The following ULK4 variants were observed in gnomAD, a reference collection of about 807,000 sequenced individuals.
The protein encoded by ULK4 is unc-51 like kinase 4.
ULK4 carries 133 observed loss-of-function variants against 160.6 expected under a neutral mutation model. That is an observed-to-expected ratio of 0.83 (90% CI 0.72 to 0.96). The LOEUF (loss-of-function observed/expected upper bound fraction) is 0.96, where lower values mean the gene tolerates loss of function less well. Among genes scored for constraint, ULK4 ranks in the 40% least tolerant of loss-of-function variants. ULK4 has a pLI of 0.00. For missense variants in ULK4, 1,580 were observed against 1,499.5 expected (o/e 1.05, Z -0.89); for synonymous variants, 534 against 539.8 (o/e 0.99, Z 0.15).
At chr3:41,896,231 G>A (rs1442108114) in intron 15 of ULK4, among the ~76,000 whole-genome samples, 2 of 152,054 alleles carry the variant, frequency 1.3e-5, no homozygotes, top group African/African-American at 4.8e-5. Context: ...AAGGTAAAAG[G>A]TCTGTCTTAT....
At chr3:41,354,202 T>C (rs895373399) in intron 35 of ULK4, among the ~76,000 whole-genome samples, 22 of 152,180 alleles carry the variant, frequency 1.4e-4, no homozygotes, top group Admixed American at 1.3e-3. Flanking sequence ...AGGGTGACTA[T>C]CCTTGGTTCA....
At chr3:41,859,559 T>C in intron 17 of ULK4, 1 of 539,600 alleles carries the variant, frequency 1.9e-6, no homozygotes, top group South Asian at 1.4e-5. Flanking sequence ...AACATGCTCA[T>C]CACAGCGAAA....
At chr3:41,786,043 T>C (rs887049050) in intron 21 of ULK4, among the ~76,000 whole-genome samples, 10 of 152,148 alleles carry the variant, frequency 6.6e-5, no homozygotes, top group Non-Finnish European at 1.3e-4. Flanking sequence ...TCCCTGACTG[T>C]TCTCCAACCT....
intron 35 of ULK4, among the ~76,000 whole-genome samples, chr3:41,287,333 A>G (rs1020589243): frequency 7.9e-5 from 12 of 152,206 alleles, no homozygotes; most frequent in African/African-American, 2.9e-4. Context: ...AAGGAAGGAA[A>G]ATAGGGCTGA....
intron 27 of ULK4, among the ~76,000 whole-genome samples, chr3:41,696,095 C>G (rs1025753960): frequency 1.3e-5 from 2 of 152,140 alleles, no homozygotes; most frequent in African/African-American, 4.8e-5. Flanking sequence ...CTTAGCGGAA[C>G]GGGAAAGGCA....
chr3:41,530,748 G>T (rs1163661927), intron 32 of ULK4, among the ~76,000 whole-genome samples: 1 of 152,116 alleles, frequency 6.6e-6, no homozygotes, highest in Non-Finnish European at 1.5e-5. Flanking sequence ...CCTCAATAAT[G>T]AAGTAAAATG....
intron 29 of ULK4, among the ~76,000 whole-genome samples, chr3:41,677,332 ATT>A (rs199498760): frequency 2.6e-4 from 34 of 128,446 alleles, no homozygotes; most frequent in East Asian, 9.2e-4. Context: ...AAGTTCATTC[ATT>A]TTTTTTTTTT....
At chr3:41,572,414 G>C (rs1264876661) in intron 31 of ULK4, among the ~76,000 whole-genome samples, 1 of 152,026 alleles carries the variant, frequency 6.6e-6, no homozygotes, top group Non-Finnish European at 1.5e-5. Flanking sequence ...AATGTTCCCT[G>C]TCCCCTCCCC....
intron 2 of ULK4, among the ~76,000 whole-genome samples, chr3:41,945,868 T>C (rs80180864): frequency 0.011 from 1,700 of 152,276 alleles, 32 homozygotes; most frequent in African/African-American, 0.039. Context: ...AGGATAATCA[T>C]TGACTTCTCT....
At chr3:41,359,710 G>A (rs560281147) in intron 35 of ULK4, among the ~76,000 whole-genome samples, 120 of 152,344 alleles carry the variant, frequency 7.9e-4, no homozygotes, top group Admixed American at 1.4e-3. Context: ...AGACAGGAAT[G>A]TGGATCTGGA....
chr3:41,932,110 C>G lies in ULK4; in HGVS notation c.379-104G>C, dbSNP rs538944200. 2.5e-5 allele frequency: 24 copies of G among 972,350 alleles called. No individual in the cohort carries two copies. In the African/African-American group the frequency reaches 4.0e-4, roughly 16 times the overall value. 60.2% of individuals were successfully genotyped at this position (972,350 alleles called of 1,614,324 possible). Reference sequence around the variant, plus strand: ...TAAAGAACTTTTCAGCATTGCTATTCTTTATCAGAACTCAGAAAAATAAAT... The same window carrying G: ...TAAAGAACTTTTCAGCATTGCTATTGTTTATCAGAACTCAGAAAAATAAAT... On this transcript the variant is annotated intron_variant, in intron 4 of 36. Coordinates refer to ENST00000301831, the MANE Select transcript of ULK4 (RefSeq NM_017886.4).
At chr3:41,696,236 G>A (rs2036495830) in intron 27 of ULK4, among the ~76,000 whole-genome samples, 1 of 152,206 alleles carries the variant, frequency 6.6e-6, no homozygotes, top group Non-Finnish European at 1.5e-5. Context: ...ATGCTTCAGT[G>A]GTCACGCTCC....
intron 35 of ULK4, among the ~76,000 whole-genome samples, chr3:41,284,070 A>G (rs2079414845): frequency 6.6e-6 from 1 of 152,190 alleles, no homozygotes; most frequent in Non-Finnish European, 1.5e-5. Context: ...GAAAGCAATC[A>G]TAGATGACAC....
intron 34 of ULK4, among the ~76,000 whole-genome samples, chr3:41,402,781 AAG>A (rs1217104629): frequency 2.0e-5 from 3 of 152,188 alleles, no homozygotes; most frequent in Non-Finnish European, 4.4e-5. Context: ...TTGTGTTTAC[AAG>A]AGATACTGAT....
rs1553639846 is a variant in ULK4, at chr3:41,721,279, T to TTTTGG, written c.2322-3419_2322-3418insCCAAA. 2.1e-3 allele frequency among the ~76,000 whole-genome samples: 207 copies of TTTTGG among 98,896 alleles called. 13 individuals are homozygous for TTTTGG. The highest frequency in any genetic ancestry group is 5.8e-3 in the East Asian group (21 of 3,630). 64.9% of individuals were successfully genotyped at this position (98,896 alleles called of 152,430 possible). A position where few individuals can be genotyped will look rare whatever the true frequency, so the allele number is the denominator to read the frequency against. ...AATTTTTTTTTTTTTTTTTTTTTTTTTTTTTGGGTTTTGAACCATGAGTAT... is the reference window on the plus strand; with the variant it reads ...AATTTTTTTTTTTTTTTTTTTTTTTTTTTGGTTTTTGGGTTTTGAACCATGAGTAT... On this transcript the variant is annotated intron_variant, in intron 22 of 36. Transcript: ENST00000301831.
In ULK4 at chr3:41,771,085, C is replaced by T. The variant is rs191719910; in HGVS notation, c.2194-16597G>A. 3.8e-3 allele frequency among the ~76,000 whole-genome samples: 576 copies of T among 152,282 alleles called. 3 individuals are homozygous for T. The highest frequency in any genetic ancestry group is 0.027 in the Middle Eastern group (8 of 294). ...ATATTTGAAACACTGAATACTCCAG[C>T]TAATAATACGGCTTACCATAAGAAT... On this transcript the variant is annotated intron_variant, in intron 21 of 36. Transcript: ENST00000301831.
chr3:41,694,464 A>C (rs188743459), intron 27 of ULK4, among the ~76,000 whole-genome samples: 163 of 152,270 alleles, frequency 1.1e-3, no homozygotes, highest in African/African-American at 3.8e-3. Context: ...GTTAGTTTTG[A>C]ACATGGCCTA....
chr3:41,807,811 A>G (rs1361886229), intron 19 of ULK4, among the ~76,000 whole-genome samples: 1 of 152,032 alleles, frequency 6.6e-6, no homozygotes, highest in Non-Finnish European at 1.5e-5. Flanking sequence ...TCCCATTCCC[A>G]TTTCCTTCAA....
intron 27 of ULK4, among the ~76,000 whole-genome samples, chr3:41,697,682 A>G (rs2036546677): frequency 6.6e-6 from 1 of 152,110 alleles, no homozygotes; most frequent in Non-Finnish European, 1.5e-5. Flanking sequence ...GAGTCTCGCT[A>G]TGTTGCCCAG....
Sources: allele counts gnomAD v4.1 joint callset (sites outside exome capture counted in the v4.1 genomes callset), GRCh38; gene constraint gnomAD v4.1.1; transcripts MANE v1.5; gene names NCBI Gene and HGNC (gene_info 2026-07-23, HGNC 2026-07-21).